DSP: variants seen among roughly 807,000 people sequenced by gnomAD.
DSP encodes the protein desmoplakin.
Under a neutral mutation model 290.6 loss-of-function variants are expected in DSP, and 114 were observed. That is an observed-to-expected ratio of 0.39 (90% CI 0.34 to 0.46). DSP has a LOEUF of 0.46. DSP is among the 20% of genes least tolerant of loss of function. The probability of loss-of-function intolerance (pLI) is 0.99; values close to 1 mark genes in which losing one functional copy is unlikely to be tolerated. For missense variants in DSP, 3,230 were observed against 3,495.8 expected (o/e 0.92, Z 1.92); for synonymous variants, 1,311 against 1,316.4 (o/e 1.00, Z 0.09).
At position 7,569,235 on chromosome 6, in the gene DSP, G is replaced by A. The variant is rs747815091; in HGVS notation, c.1469G>A (p.Arg490His). ...TGTATCCTGAAGGACAACAACGAGCGCAGCAAGTGGTACGTGACGGGCCCG... is the reference window on the plus strand; with the variant it reads ...TGTATCCTGAAGGACAACAACGAGCACAGCAAGTGGTACGTGACGGGCCCG... ...DECILKDNNE[R>H]SKWYVTGPGG... Residue 490 changes from arginine to histidine, a missense_variant, in exon 12 of 24, where the codon CGC becomes CAC. Around this residue, in one of 5 missense-constraint regions of DSP, gnomAD observed 646 missense variants for 684.3 expected, o/e 0.94. Transcript: ENST00000379802. 27 of 1,614,048 alleles carry A rather than the reference G, an allele frequency of 1.7e-5. No individual in the cohort carries two copies. The highest frequency in any genetic ancestry group is 1.6e-4 in the Middle Eastern group (1 of 6,084).
Position 7,585,247 on chromosome 6 carries a change from AC to A in DSP, c.7988del (p.Pro2663GlnfsTer17). 9 of 1,614,076 alleles carry A rather than the reference AC, an allele frequency of 5.6e-6. No homozygotes were observed. Among genetic ancestry groups the A allele is most frequent in the Non-Finnish European group, 6.8e-6 (8 of 1,180,036 alleles). On this transcript the variant is annotated frameshift_variant, in exon 24 of 24. Transcript: ENST00000379802. LOFTEE classifies it high-confidence loss of function. Reference protein sequence around the residue: ...EAQACTGGIIHPTTGQKLSLQ... With the variant: ...EAQACTGGIIXPTTGQKLSLQ... ...CAGGCCTGCACAGGTGGCATCATCC[AC>A]CCAACCACGGGCCAGAAGCTGTCAC... is the stretch of plus-strand genomic sequence containing the variant.
intron 1 of DSP, among the ~76,000 whole-genome samples, chr6:7,554,375 C>T (rs975964331): frequency 4.6e-5 from 7 of 152,144 alleles, no homozygotes; most frequent in Admixed American, 6.6e-5. Flanking sequence ...TCTGTCATCT[C>T]GTTCTTTAAG....
chr6:7,541,694 G>A lies in DSP; in HGVS notation c.-222G>A. On this transcript the variant is annotated 5_prime_UTR_variant, in exon 1 of 24. Coordinates refer to ENST00000379802, the MANE Select transcript of DSP (RefSeq NM_004415.4). ...CTCCTCTGCGCCCTTGCCGCCCTCC[G>A]AGCCACAGCTTTCCTCCCGCTCCTG... 4 of 578,870 alleles carry A rather than the reference G, an allele frequency of 6.9e-6. No individual in the cohort carries two copies. The highest frequency in any genetic ancestry group is 3.4e-5 in the Admixed American group (1 of 29,626). The allele number at this position is 578,870 out of a possible 1,614,324, so 35.9% of individuals were successfully genotyped here.
In DSP at chr6:7,566,370, T is replaced by G. The variant is rs1368622056; in HGVS notation, c.940-7T>G. The G allele has an allele frequency of 6.2e-7, 1 of 1,610,420 alleles. No homozygotes were observed. The highest frequency in any genetic ancestry group is 2.2e-5 in the East Asian group (1 of 44,858). ...CTGCAAAGGATTTCTTATTTCTTCA[T>G]TCACAGATACGCATGAGTCAACTGG... is the stretch of plus-strand genomic sequence containing the variant. On this transcript the variant is annotated splice_region_variant and splice_polypyrimidine_tract_variant and intron_variant, in intron 7 of 23. Transcript: ENST00000379802.
Position 7,584,571 on chromosome 6 carries a change from G to A in DSP, c.7309G>A (p.Glu2437Lys). 1 of 1,614,042 alleles carries A rather than the reference G, an allele frequency of 6.2e-7. No homozygotes were observed. Among genetic ancestry groups the A allele is most frequent in the Non-Finnish European group, 8.5e-7 (1 of 1,179,958 alleles). ...LQLKERCIKD[E>K]ETGLCLLPLK... is the part of the protein sequence containing the mutation. ...ACTAAAAGAAAGATGCATTAAGGAT[G>A]AGGAAACAGGGCTCTGTCTTCTGCC... Residue 2437 changes from glutamate to lysine, a missense_variant, in exon 24 of 24, where the codon GAG (glutamate) becomes AAG (lysine). By Grantham distance (56) the Glu-to-Lys change is moderately conservative. Around this residue, in one of 5 missense-constraint regions of DSP, gnomAD observed 582 missense variants for 555.4 expected, o/e 1.05. Transcript: ENST00000379802. The surrounding 1 kb of genome is among the most constrained non-coding windows in gnomAD (Gnocchi z 6.4).
chr6:7,556,738 G>T (rs1368224964), intron 2 of DSP, among the ~76,000 whole-genome samples: 2 of 152,218 alleles, frequency 1.3e-5, no homozygotes, highest in African/African-American at 4.8e-5. Flanking sequence ...GTTAAAAAAA[G>T]AATGTCACGT....
In DSP at chr6:7,574,647, C is replaced by T. The variant is rs1057522919; in HGVS notation, c.2298-10C>T. 6.2e-7 allele frequency: 1 copy of T among 1,613,970 alleles called. No homozygotes were observed. The highest frequency in any genetic ancestry group is 8.5e-7 in the Non-Finnish European group (1 of 1,179,894). ...CTGGCAATTTTATGTGCTTCTTTTG[C>T]TCTTTCCAGCTTATGCACAGTAAGG... On this transcript the variant is annotated splice_polypyrimidine_tract_variant and intron_variant, in intron 16 of 23. Transcript: ENST00000379802.
intron 21 of DSP, 47 bp downstream of exon 21, chr6:7,577,933 T>TTCTTCCCTTTTCCCTGTCTCCTGCC (rs774712207): frequency 2.1e-6 from 3 of 1,456,866 alleles, no homozygotes; most frequent in Non-Finnish European, 2.9e-6. Context: ...CTCCTTCTGC[T>TTCTTCCCTTTTCCCTGTCTCCTGCC]TCTTCCCTTT....
In DSP at chr6:7,541,759, G is replaced by A. The variant is rs886061742; in HGVS notation, c.-157G>A. ...CCGTCTCCGCGCTCGCAGCGGCCTC[G>A]GGAGGGCCCAGGTAGCGAGCAGCGA... On this transcript the variant is annotated 5_prime_UTR_variant, in exon 1 of 24. Transcript: ENST00000379802. The A allele has an allele frequency of 5.8e-5, 54 of 925,092 alleles. No individual in the cohort carries two copies. The African/African-American group carries it at 8.1e-4, about 14-fold the overall frequency. 57.3% of individuals were successfully genotyped at this position (925,092 alleles called of 1,614,324 possible).
At position 7,580,055 on chromosome 6, in the gene DSP, C is replaced by A; in HGVS notation, c.3865C>A (p.Gln1289Lys). 1.2e-6 allele frequency: 2 copies of A among 1,614,080 alleles called. No individual in the cohort carries two copies. Among genetic ancestry groups the A allele is most frequent in the Non-Finnish European group, 1.7e-6 (2 of 1,180,024 alleles). The stretch of plus-strand genomic sequence containing the variant: ...TGGCTCTGAGATAATGCAGAAGAAG[C>A]AGCATCTGGAGATAGAACTGAAGCA... The part of the protein sequence containing the change: ...ACGSEIMQKK[Q>K]HLEIELKQVM... The change falls in exon 23 of 24, where the codon CAG becomes AAG. Residue 1289 changes from glutamine (Q) to lysine (K), a missense_variant. Physicochemically the swap from Gln to Lys is moderately conservative, Grantham distance 53. Transcript: ENST00000379802. This position sits in a 1 kb window ranked among gnomAD's most constrained non-coding sequence, Gnocchi z 4.2.
Position 7,576,463 on chromosome 6 carries a change from G to A in DSP, c.2793+7G>A, listed in dbSNP as rs770789886. On this transcript the variant is annotated splice_region_variant and intron_variant, in intron 19 of 23. Transcript: ENST00000379802. ...GTTTTTGAATGAGCAGAAGGTATAAGCCAACTTTTTGTTCCATAGCTGTTT... is the reference window on the plus strand; with the variant it reads ...GTTTTTGAATGAGCAGAAGGTATAAACCAACTTTTTGTTCCATAGCTGTTT... 3 of 1,613,946 alleles carry A rather than the reference G, an allele frequency of 1.9e-6. No individual in the cohort carries two copies. The highest frequency in any genetic ancestry group is 2.7e-5 in the African/African-American group (2 of 74,924).
chr6:7,552,655 A>G (rs954025181), intron 1 of DSP, among the ~76,000 whole-genome samples: 1 of 116,364 alleles, frequency 8.6e-6, no homozygotes, highest in African/African-American at 3.8e-5. Flanking sequence ...ATATAAAGTT[A>G]CCTGTTGTTT....
Position 7,579,505 on chromosome 6 carries a change from A to G in DSP, c.3315A>G (p.Lys1105=), listed in dbSNP as rs1581815327. 6.2e-7 allele frequency: 1 copy of G among 1,614,086 alleles called. No individual in the cohort carries two copies. ...QNLDKCYGQI[K]ELNEKITRLT... is the part of the protein sequence containing the mutation. ...TAGACAAGTGCTACGGCCAAATAAA[A>G]GAACTCAATGAGAAGATCACCCGAC... The change falls in exon 23 of 24, where the codon AAA becomes AAG. Residue 1105 remains lysine (K), a synonymous_variant. Coordinates refer to ENST00000379802, the MANE Select transcript of DSP (RefSeq NM_004415.4). This position sits in a 1 kb window ranked among gnomAD's most constrained non-coding sequence, Gnocchi z 4.1.
intron 21 of DSP, 69 bp from the exon 22 acceptor site, chr6:7,578,395 C>A: frequency 7.8e-7 from 1 of 1,284,624 alleles, no homozygotes; most frequent in Non-Finnish European, 1.1e-6. Context: ...AAAACAAAAT[C>A]GGTCAAATTA....
Position 7,582,547 on chromosome 6 carries a change from TA to T in DSP, c.5380-92del. On this transcript the variant is annotated intron_variant, in intron 23 of 23. Transcript: ENST00000379802. This position sits in a 1 kb window ranked among gnomAD's most constrained non-coding sequence, Gnocchi z 4.2. ...AAAAAATAAGCAAGGCTTTTTTTTT[TA>T]AAGATAGATACACAAAAGAAAGTTA... The T allele has an allele frequency of 4.6e-6, 5 of 1,088,242 alleles. No homozygotes were observed. Among genetic ancestry groups the T allele is most frequent in the Admixed American group, 2.4e-5 (1 of 41,916 alleles). The allele number at this position is 1,088,242 out of a possible 1,614,324, so 67.4% of individuals were successfully genotyped here.
At chr6:7,572,995 G>T (rs1465122033) in intron 15 of DSP, among the ~76,000 whole-genome samples, 4 of 152,064 alleles carry the variant, frequency 2.6e-5, no homozygotes, top group African/African-American at 9.7e-5. Flanking sequence ...CTGGATGCAG[G>T]GGCACATGCC....
chr6:7,550,788 T>C (rs1336425620), intron 1 of DSP, among the ~76,000 whole-genome samples: 1 of 151,926 alleles, frequency 6.6e-6, no homozygotes, highest in African/African-American at 2.4e-5. Flanking sequence ...TGAGTTGTTT[T>C]CTTTTTCTTT....
intron 1 of DSP, among the ~76,000 whole-genome samples, chr6:7,553,641 A>G (rs1487971899): frequency 6.6e-6 from 1 of 152,216 alleles, no homozygotes; most frequent in East Asian, 1.9e-4. Context: ...AATTCTGCAC[A>G]AGTTAGGACA....
chr6:7,579,790 TGAG>T lies in DSP; in HGVS notation c.3604_3606del (p.Glu1202del). 6.2e-7 allele frequency: 1 copy of T among 1,613,820 alleles called. No homozygotes were observed. On this transcript the variant is annotated inframe_deletion, in exon 23 of 24. Transcript: ENST00000379802. The surrounding 1 kb of genome is among the most constrained non-coding windows in gnomAD (Gnocchi z 4.1). ...TGGCAAAGGTAAGAAACCACTATAA[TGAG>T]GAGATGAGTAATTTAAGGAACAAGT...
Sources: allele counts gnomAD v4.1 joint callset (sites outside exome capture counted in the v4.1 genomes callset), GRCh38; gene constraint gnomAD v4.1.1; regional missense constraint gnomAD v4.1.1; non-coding constraint Gnocchi (gnomAD v3.1); transcripts MANE v1.5; gene names NCBI Gene and HGNC (gene_info 2026-07-23, HGNC 2026-07-21).